PMFBP1: variants seen among roughly 807,000 people sequenced by gnomAD.
PMFBP1 encodes the protein polyamine-modulated factor 1-binding protein 1.
Under a neutral mutation model 137.8 loss-of-function variants are expected in PMFBP1, and 131 were observed. The ratio of observed to expected loss-of-function variants is 0.95; its 90% CI spans 0.82 to 1.10. PMFBP1 has a LOEUF of 1.10. Among genes scored for constraint, PMFBP1 ranks in the 50% least tolerant of loss-of-function variants. The pLI, the probability that PMFBP1 is intolerant of heterozygous loss-of-function variation, is 0.00. For missense variants in PMFBP1, 1,199 were observed against 1,175.4 expected, an observed-to-expected ratio of 1.02 and a Z score of -0.29; for synonymous variants, 490 against 450.4, an observed-to-expected ratio of 1.09 and a Z score of -1.11.
chr16:72,156,850 T>C (rs2042988288), intron 3 of PMFBP1, among the ~76,000 whole-genome samples: 1 of 152,026 alleles, frequency 6.6e-6, no homozygotes, highest in Non-Finnish European at 1.5e-5. Flanking sequence ...ACACCTAGTA[T>C]ATCAAGCACT....
chr16:72,243,150 C>T, the PMFBP1 span, among the ~76,000 whole-genome samples: 1 of 152,310 alleles, frequency 6.6e-6, no homozygotes, highest in South Asian at 2.1e-4. Flanking sequence ...CAAAGGCAGG[C>T]TTTGAATTGT....
downstream of PMFBP1, among the ~76,000 whole-genome samples, chr16:72,117,625 TATA>T (rs770660216): frequency 2.0e-5 from 3 of 152,208 alleles, no homozygotes; most frequent in Non-Finnish European, 2.9e-5. Flanking sequence ...CACCATTGAG[TATA>T]ATGTTTGTTC....
the PMFBP1 span, among the ~76,000 whole-genome samples, chr16:72,245,678 C>A: frequency 6.6e-5 from 10 of 152,154 alleles, no homozygotes; most frequent in African/African-American, 2.4e-4. Context: ...TTTCTCCCAG[C>A]CTGCTGTCAC....
At chr16:72,139,468 T>C in intron 6 of PMFBP1, 69 bp from the exon 7 acceptor site, 1 of 1,161,952 alleles carries the variant, frequency 8.6e-7, no homozygotes, top group Non-Finnish European at 1.3e-6. Flanking sequence ...GACTATTATT[T>C]CAGAGTGTTC....
chr16:72,197,650 C>T, the PMFBP1 span, among the ~76,000 whole-genome samples: 1 of 152,118 alleles, frequency 6.6e-6, no homozygotes, highest in Non-Finnish European at 1.5e-5. Context: ...CCCCAGGGAC[C>T]CCAGAATATT....
At chr16:72,134,326 G>A (rs1206207825) in intron 9 of PMFBP1, among the ~76,000 whole-genome samples, 1 of 152,082 alleles carries the variant, frequency 6.6e-6, no homozygotes, top group Non-Finnish European at 1.5e-5. Context: ...GGGACTGCAG[G>A]GGTGTGCCAC....
intron 19 of PMFBP1, among the ~76,000 whole-genome samples, chr16:72,122,700 C>G (rs2042393260): frequency 6.6e-6 from 1 of 152,168 alleles, no homozygotes; most frequent in Non-Finnish European, 1.5e-5. Context: ...TACTAAACTC[C>G]CTTTGGATTT....
chr16:72,150,867 A>G (rs2042892633), intron 4 of PMFBP1, 38 bp from the exon 5 acceptor site: 1 of 1,563,184 alleles, frequency 6.4e-7, no homozygotes, highest in South Asian at 1.1e-5. Context: ...GAGCCCATGG[A>G]AGCACGTAAT....
the PMFBP1 span, among the ~76,000 whole-genome samples, chr16:72,229,676 G>A: frequency 2.6e-5 from 4 of 151,998 alleles, no homozygotes; most frequent in Admixed American, 2.6e-4. Context: ...GTCTGCTCAT[G>A]TCCTCTGTCT....
At position 72,132,736 on chromosome 16, in the gene PMFBP1, C is replaced by CA; in HGVS notation, c.1447+11dup. The CA allele has an allele frequency of 6.2e-7, 1 of 1,614,112 alleles. No individual in the cohort carries two copies. The highest frequency in any genetic ancestry group is 8.5e-7 in the Non-Finnish European group (1 of 1,180,002). On this transcript the variant is annotated intron_variant, in intron 10 of 20. Transcript: ENST00000237353. ...GAAAAGTGTGGTGGGACAGCACCTGCAGGGGCCTCACCAGCCAGCCTCTCC... is the reference window on the plus strand; with the variant it reads ...GAAAAGTGTGGTGGGACAGCACCTGCAAGGGGCCTCACCAGCCAGCCTCTCC...
upstream of PMFBP1, among the ~76,000 whole-genome samples, chr16:72,173,553 A>G (rs770700824): frequency 2.6e-5 from 4 of 152,160 alleles, no homozygotes; most frequent in Non-Finnish European, 5.9e-5. Flanking sequence ...AAGTAGGAAG[A>G]AAAAAAGAGA....
At chr16:72,126,705 A>G (rs1276689788) in intron 14 of PMFBP1, among the ~76,000 whole-genome samples, 1 of 152,256 alleles carries the variant, frequency 6.6e-6, no homozygotes, top group Non-Finnish European at 1.5e-5. Flanking sequence ...TCAATTGATC[A>G]ACATGTTAGG....
chr16:72,197,840 C>A, the PMFBP1 span, among the ~76,000 whole-genome samples: 1 of 152,174 alleles, frequency 6.6e-6, no homozygotes, highest in Non-Finnish European at 1.5e-5. Context: ...AGGGCCACTT[C>A]TGTCACTCTG....
upstream of PMFBP1, among the ~76,000 whole-genome samples, chr16:72,177,751 C>T (rs932874818): frequency 6.6e-6 from 1 of 152,198 alleles, no homozygotes; most frequent in African/African-American, 2.4e-5. Flanking sequence ...CAGTATTCCA[C>T]ATTGCATTTA....
chr16:72,207,164 C>T, the PMFBP1 span, among the ~76,000 whole-genome samples: 3 of 151,996 alleles, frequency 2.0e-5, no homozygotes, highest in Non-Finnish European at 4.4e-5. Flanking sequence ...ATCAGGCTGA[C>T]AGTGCAGAGT....
At chr16:72,213,285 C>G in the PMFBP1 span, among the ~76,000 whole-genome samples, 1 of 152,144 alleles carries the variant, frequency 6.6e-6, no homozygotes, top group Non-Finnish European at 1.5e-5. Flanking sequence ...CTTCTATAAT[C>G]CCCTCCTCTT....
chr16:72,192,150 C>T, the PMFBP1 span, among the ~76,000 whole-genome samples: 13 of 151,966 alleles, frequency 8.6e-5, no homozygotes, highest in African/African-American at 3.1e-4. Flanking sequence ...ACTTTTATCA[C>T]ATATGTATCC....
chr16:72,146,114 G>C (rs1030799546), intron 5 of PMFBP1, among the ~76,000 whole-genome samples: 3 of 152,054 alleles, frequency 2.0e-5, no homozygotes, highest in Admixed American at 2.0e-4. Context: ...ACATTGATGC[G>C]AAAATCCTCA....
the PMFBP1 span, among the ~76,000 whole-genome samples, chr16:72,213,265 G>T: frequency 2.0e-5 from 3 of 152,236 alleles, no homozygotes; most frequent in African/African-American, 7.2e-5. Context: ...CAGACTCCCC[G>T]TAGTCCTTTC....
Sources: allele counts gnomAD v4.1 joint callset (sites outside exome capture counted in the v4.1 genomes callset), GRCh38; gene constraint gnomAD v4.1.1; transcripts MANE v1.5; gene names NCBI Gene and HGNC (gene_info 2026-07-23, HGNC 2026-07-21).